The following TACR3 variants were observed in gnomAD, a reference collection of about 807,000 sequenced individuals.
The protein encoded by TACR3 is neuromedin-K receptor.
In TACR3, 34 loss-of-function variants were observed where a neutral mutation model predicts 35.0. The observed-to-expected ratio is 0.97, with a 90% CI of 0.74 to 1.30. The LOEUF is 1.30. Ranked by LOEUF, TACR3 falls within the 50% of genes most tolerant of loss-of-function variation. TACR3 has a pLI of 0.00. For synonymous variants in TACR3, 233 were observed against 221.1 expected, an observed-to-expected ratio of 1.05 and a Z score of -0.48; for missense variants, 558 against 591.7, an observed-to-expected ratio of 0.94 and a Z score of 0.59.
At chr4:103,682,756 T>C (rs7654997) in intron 1 of TACR3, among the ~76,000 whole-genome samples, 8,049 of 152,154 alleles carry the variant, frequency 0.053, 588 homozygotes, top group African/African-American at 0.16. Context: ...TAAGGTGCTG[T>C]CAAGATGTTG....
intron 3 of TACR3, among the ~76,000 whole-genome samples, chr4:103,603,372 G>A (rs1038189513): frequency 2.0e-5 from 3 of 152,188 alleles, no homozygotes; most frequent in Non-Finnish European, 4.4e-5. Flanking sequence ...GCCCTGCTTT[G>A]GCTCGTGCAC....
At chr4:103,659,612 A>T (rs950713531) in intron 1 of TACR3, among the ~76,000 whole-genome samples, 7 of 152,174 alleles carry the variant, frequency 4.6e-5, no homozygotes, top group African/African-American at 1.7e-4. Flanking sequence ...GAACATCTTC[A>T]TGGTGCCTAT....
chr4:103,686,226 C>A lies in TACR3; in HGVS notation c.549-27823G>T, dbSNP rs535666543. Reference sequence around the variant, plus strand: ...GGAAAAAGTCTTAAGAGATACTAGACCCTGGATGAATGTGAGGCAGACTTG... The same window carrying A: ...GGAAAAAGTCTTAAGAGATACTAGAACCTGGATGAATGTGAGGCAGACTTG... On this transcript the variant is annotated intron_variant, in intron 1 of 4. Coordinates refer to ENST00000304883, the MANE Select transcript of TACR3 (RefSeq NM_001059.3). Among the ~76,000 whole-genome samples the A allele has an allele frequency of 5.3e-5, 8 of 152,238 alleles. No individual in the cohort carries two copies. The South Asian group carries it at 1.5e-3, about 28-fold the overall frequency.
In TACR3 at chr4:103,647,908, C is replaced by T. The variant is rs1185149874; in HGVS notation, c.888+8286G>A. Among the ~76,000 whole-genome samples, 3 of 151,860 alleles carry T rather than the reference C, an allele frequency of 2.0e-5. No homozygotes were observed. The East Asian group carries it at 5.8e-4, about 29-fold the overall frequency. ...ATTATCTAAAAGTTTCATATTAATTCAAAGTTTAAATATGCTAGGTTCTAT... is the reference window on the plus strand; with the variant it reads ...ATTATCTAAAAGTTTCATATTAATTTAAAGTTTAAATATGCTAGGTTCTAT... On this transcript the variant is annotated intron_variant, in intron 3 of 4. Coordinates refer to ENST00000304883, the MANE Select transcript of TACR3 (RefSeq NM_001059.3).
chr4:103,631,408 G>A (rs978010937), intron 3 of TACR3, among the ~76,000 whole-genome samples: 4 of 151,896 alleles, frequency 2.6e-5, no homozygotes, highest in African/African-American at 9.7e-5. Flanking sequence ...TATCAATAAT[G>A]TATATAATAA....
intron 3 of TACR3, among the ~76,000 whole-genome samples, chr4:103,628,045 A>G (rs958221486): frequency 1.7e-4 from 26 of 152,308 alleles, no homozygotes; most frequent in Middle Eastern, 3.4e-3. Context: ...CCGAATGACT[A>G]CTGGGTAAAC....
intron 3 of TACR3, among the ~76,000 whole-genome samples, chr4:103,637,390 C>G (rs192996946): frequency 3.3e-4 from 50 of 151,996 alleles, no homozygotes; most frequent in African/African-American, 8.9e-4. Context: ...ATTCAGCAAC[C>G]CTTCATGCTA....
At chr4:103,703,663 A>G (rs1368756401) in intron 1 of TACR3, among the ~76,000 whole-genome samples, 2 of 152,174 alleles carry the variant, frequency 1.3e-5, no homozygotes, top group African/African-American at 4.8e-5. Context: ...GGAAACCTCA[A>G]TAAAAATGAT....
At chr4:103,609,396 A>G (rs181939634) in intron 3 of TACR3, among the ~76,000 whole-genome samples, 1 of 152,252 alleles carries the variant, frequency 6.6e-6, no homozygotes, top group East Asian at 1.9e-4. Context: ...AAAAAGAAAG[A>G]AACTGCTTTT....
intron 3 of TACR3, among the ~76,000 whole-genome samples, chr4:103,631,796 A>G (rs552009651): frequency 6.6e-6 from 1 of 152,288 alleles, no homozygotes; most frequent in South Asian, 2.1e-4. Flanking sequence ...ATCTGGCATT[A>G]TGCTAGGCAC....
At chr4:103,657,804 A>G (rs1725761726) in intron 2 of TACR3, among the ~76,000 whole-genome samples, 1 of 152,122 alleles carries the variant, frequency 6.6e-6, no homozygotes, top group African/African-American at 2.4e-5. Context: ...AAATCAAACC[A>G]AAATAAAATT....
intron 1 of TACR3, among the ~76,000 whole-genome samples, chr4:103,674,343 T>G: frequency 6.6e-6 from 1 of 151,236 alleles, no homozygotes; most frequent in Admixed American, 6.6e-5. Flanking sequence ...TTGTTGGAGG[T>G]CCTCAGGAAG....
chr4:103,641,563 G>T lies in TACR3; in HGVS notation c.888+14631C>A, dbSNP rs113535499. Among the ~76,000 whole-genome samples the T allele has an allele frequency of 1.4e-4, 22 of 152,038 alleles. No homozygotes were observed. The East Asian group carries it at 2.7e-3, about 19-fold the overall frequency. ...GTACAGCCATTGCGTAAAACAGTAT[G>T]AAGGTTACTCAGAAAGCTAAAAATT... On this transcript the variant is annotated intron_variant, in intron 3 of 4. Coordinates refer to ENST00000304883, the MANE Select transcript of TACR3 (RefSeq NM_001059.3).
Position 103,653,866 on chromosome 4 carries a change from C to T in TACR3, c.888+2328G>A, listed in dbSNP as rs7695545. ...AAATTTACAAGAAAAAACAAACAAC[C>T]CCTTCAAAAAGTGGGCGAAGGATAT... On this transcript the variant is annotated intron_variant, in intron 3 of 4. Transcript: ENST00000304883. Among the ~76,000 whole-genome samples the T allele has an allele frequency of 6.3e-3, 959 of 152,144 alleles. 7 individuals are homozygous for T. Among genetic ancestry groups the T allele is most frequent in the South Asian group, 0.017 (81 of 4,820 alleles).
rs1455998961 is a variant in TACR3, at chr4:103,598,482, C to G, written c.889-6799G>C. 3.3e-5 allele frequency among the ~76,000 whole-genome samples: 5 copies of G among 152,162 alleles called. 1 individual carries two copies. In the East Asian group the frequency reaches 7.7e-4, roughly 23 times the overall value. ...CTTAGATCCCATTTGTCAATTTTGG[C>G]TTTTGTTGCCATTGCTTTTGGTGTG... is the stretch of plus-strand genomic sequence containing the variant. On this transcript the variant is annotated intron_variant, in intron 3 of 4. Transcript: ENST00000304883.
intron 3 of TACR3, among the ~76,000 whole-genome samples, chr4:103,655,197 A>T (rs970944738): frequency 2.0e-5 from 3 of 152,192 alleles, no homozygotes; most frequent in African/African-American, 4.8e-5. Flanking sequence ...TCAGAGAAAA[A>T]GCACTATTAA....
intron 3 of TACR3, among the ~76,000 whole-genome samples, chr4:103,633,951 GACCTATC>G (rs964390547): frequency 2.2e-4 from 34 of 151,906 alleles, no homozygotes; most frequent in Admixed American, 6.6e-4. Context: ...AGAACCAATC[GACCTATC>G]ACCATGTGAA....
At chr4:103,637,792 T>A (rs1017845893) in intron 3 of TACR3, among the ~76,000 whole-genome samples, 8 of 151,926 alleles carry the variant, frequency 5.3e-5, no homozygotes, top group Admixed American at 2.0e-4. Flanking sequence ...TATACACCAA[T>A]AACAGACAAA....
At chr4:103,659,275 G>A (rs577151990) in intron 1 of TACR3, among the ~76,000 whole-genome samples, 3 of 152,248 alleles carry the variant, frequency 2.0e-5, no homozygotes, top group African/African-American at 7.2e-5. Flanking sequence ...TAATGATTTG[G>A]TATTGTGCCT....
Sources: allele counts gnomAD v4.1 joint callset (sites outside exome capture counted in the v4.1 genomes callset), GRCh38; gene constraint gnomAD v4.1.1; transcripts MANE v1.5; gene names NCBI Gene and HGNC (gene_info 2026-07-23, HGNC 2026-07-21).